The following ERICH6 variants were observed in gnomAD, a reference collection of about 807,000 sequenced individuals.
The protein encoded by ERICH6 is glutamate-rich protein 6.
In ERICH6, 71 loss-of-function variants were observed where a neutral mutation model predicts 71.0. The ratio of observed to expected loss-of-function variants is 1.00; its 90% confidence interval spans 0.83 to 1.22. The LOEUF (loss-of-function observed/expected upper bound fraction) is 1.22, where lower values mean the gene tolerates loss of function less well. ERICH6 is among the 50% of genes most tolerant of loss of function. The pLI is 0.00. For synonymous variants in ERICH6, 262 were observed against 278.4 expected, an observed-to-expected ratio of 0.94 and a Z score of 0.59; for missense variants, 808 against 797.2, an observed-to-expected ratio of 1.01 and a Z score of -0.16.
chr3:150,666,659 G>C, intron 13 of ERICH6, 128 bp downstream of exon 13: 1 of 818,516 alleles, frequency 1.2e-6, no homozygotes. Context: ...TTTTTCCATT[G>C]AATTCCAAAA....
At chr3:150,660,406 C>T (rs922631944) in intron 13 of ERICH6, among the ~76,000 whole-genome samples, 1 of 152,168 alleles carries the variant, frequency 6.6e-6, no homozygotes, top group African/African-American at 2.4e-5. Context: ...AGTAATTTAA[C>T]CAGCACCTAC....
chr3:150,661,618 T>C (rs1471076902), intron 13 of ERICH6, among the ~76,000 whole-genome samples: 1 of 152,206 alleles, frequency 6.6e-6, no homozygotes, highest in African/African-American at 2.4e-5. Flanking sequence ...GAGAGAATAT[T>C]GTTAAGGAAG....
At chr3:150,684,467 C>T (rs1017688114) in intron 6 of ERICH6, among the ~76,000 whole-genome samples, 1 of 152,142 alleles carries the variant, frequency 6.6e-6, no homozygotes, top group African/African-American at 2.4e-5. Flanking sequence ...TGACATGTTG[C>T]CTTGCATGAT....
rs755644907 is a variant in ERICH6 at position 150,682,241 on chromosome 3, C to A, written c.859G>T (p.Val287Phe). 1 of 1,613,888 alleles carries A rather than the reference C, an allele frequency of 6.2e-7. No individual in the cohort carries two copies. Among genetic ancestry groups the A allele is most frequent in the Non-Finnish European group, 8.5e-7 (1 of 1,179,972 alleles). The change falls in exon 7 of 14, where the codon GTT (valine) becomes TTT (phenylalanine). Residue 287 changes from valine (V) to phenylalanine (F), a missense_variant. Physicochemically the swap from Val to Phe is conservative, Grantham distance 50. Around this residue, in one of 3 missense-constraint regions of ERICH6, gnomAD observed 736 missense variants for 712.2 expected, o/e 1.03. Transcript: ENST00000295910. ...ACATGCCCTTTTGGTTCAGAGGAAA[C>A]ATCCACATTAGAAAAAAATGCTCTT... ...DLRAFFSNVD[V>F]SSEPKGHASC... is the part of the protein sequence containing the mutation.
chr3:150,686,226 C>T lies in ERICH6; in HGVS notation c.610+72G>A, dbSNP rs372105898. The stretch of plus-strand genomic sequence containing the variant: ...TTTTTCAAAGCAGATGGGCTCTGTG[C>T]GAGTTAAGGTGATTCCCTTCTGGTA... On this transcript the variant is annotated intron_variant, in intron 4 of 13. Transcript: ENST00000295910. The T allele has an allele frequency of 1.2e-4, 186 of 1,527,674 alleles. No homozygotes were observed. In the African/African-American group the frequency reaches 1.5e-3, roughly 13 times the overall value. The allele number at this position is 1,527,674 out of a possible 1,614,324, so 94.6% of individuals were successfully genotyped here. A position where few individuals can be genotyped will look rare whatever the true frequency, so the allele number is the denominator to read the frequency against.
intron 10 of ERICH6, among the ~76,000 whole-genome samples, chr3:150,674,700 C>T (rs1188583032): frequency 1.3e-5 from 2 of 152,112 alleles, no homozygotes; most frequent in Non-Finnish European, 2.9e-5. Context: ...AAAGAATGAT[C>T]AAAGAGTGTC....
chr3:150,683,616 C>T (rs983490200), intron 6 of ERICH6, among the ~76,000 whole-genome samples: 3 of 151,972 alleles, frequency 2.0e-5, no homozygotes, highest in South Asian at 2.1e-4. Flanking sequence ...TAGCCAGGCA[C>T]GGTGGTGTGT....
intron 3 of ERICH6, among the ~76,000 whole-genome samples, chr3:150,697,281 A>T (rs531190101): frequency 3.9e-5 from 6 of 152,328 alleles, no homozygotes; most frequent in African/African-American, 1.4e-4. Context: ...GACATCTGAA[A>T]TTGAGGGTAA....
intron 3 of ERICH6, among the ~76,000 whole-genome samples, chr3:150,694,570 C>T (rs1712581572): frequency 6.6e-6 from 1 of 152,200 alleles, no homozygotes; most frequent in South Asian, 2.1e-4. Context: ...TCCTGCAACA[C>T]GTGGATTACC....
intron 3 of ERICH6, among the ~76,000 whole-genome samples, chr3:150,698,508 A>G (rs1049867598): frequency 2.6e-5 from 4 of 152,262 alleles, no homozygotes; most frequent in South Asian, 4.1e-4. Context: ...TCAAAAATAT[A>G]ATGGCAGATT....
At chr3:150,678,386 T>C in intron 10 of ERICH6, 23 bp downstream of exon 10, 1 of 1,529,802 alleles carries the variant, frequency 6.5e-7, no homozygotes. Context: ...AAATAGCAAG[T>C]AAAAAAATTA....
At chr3:150,670,428 G>T (rs1711498424) in intron 11 of ERICH6, among the ~76,000 whole-genome samples, 1 of 144,076 alleles carries the variant, frequency 6.9e-6, no homozygotes, top group South Asian at 2.1e-4. Context: ...GTTGCAGTGA[G>T]CCAAGATCGT....
chr3:150,676,090 T>A (rs1711642567), intron 10 of ERICH6, among the ~76,000 whole-genome samples: 1 of 152,048 alleles, frequency 6.6e-6, no homozygotes, highest in African/African-American at 2.4e-5. Flanking sequence ...ACCTTTCTTT[T>A]TATTTTTGTT....
intron 9 of ERICH6, among the ~76,000 whole-genome samples, chr3:150,678,776 C>G (rs541269804): frequency 1.3e-5 from 2 of 152,194 alleles, no homozygotes; most frequent in Admixed American, 6.5e-5. Flanking sequence ...CACAGTGGCT[C>G]ACACCTGTAA....
intron 12 of ERICH6, among the ~76,000 whole-genome samples, chr3:150,668,778 A>T (rs575170361): frequency 6.6e-5 from 10 of 152,340 alleles, no homozygotes; most frequent in African/African-American, 2.4e-4. Context: ...TATACATAGT[A>T]GGTTAAATTG....
chr3:150,674,105 C>A, intron 10 of ERICH6, 64 bp from the exon 11 acceptor site: 1 of 1,306,496 alleles, frequency 7.7e-7, no homozygotes, highest in Non-Finnish European at 1.1e-6. Flanking sequence ...AGTACGACAA[C>A]AATGGACATC....
At position 150,702,994 on chromosome 3, in the gene ERICH6, C is replaced by CAGAGAG. The variant is rs71676608; in HGVS notation, c.403+496_403+501dup. Among the ~76,000 whole-genome samples, 352 of 124,240 alleles carry CAGAGAG rather than the reference C, an allele frequency of 2.8e-3. 1 individual carries two copies. The highest frequency in any genetic ancestry group is 4.4e-3 in the Non-Finnish European group (273 of 62,270). The allele number at this position is 124,240 out of a possible 152,430, so 81.5% of individuals were successfully genotyped here. ...GGAGGAAGAGGGAGGGGAGGGGGAA[C>CAGAGAG]AGAGAGAGAGAGAGAGAGAGATGTC... On this transcript the variant is annotated intron_variant, in intron 1 of 13. Transcript: ENST00000295910.
Position 150,666,972 on chromosome 3 carries a change from C to G in ERICH6, c.1543G>C (p.Gly515Arg), listed in dbSNP as rs1268848623. The G allele has an allele frequency of 6.2e-6, 10 of 1,614,070 alleles. No homozygotes were observed. Among genetic ancestry groups the G allele is most frequent in the Non-Finnish European group, 8.5e-6 (10 of 1,180,006 alleles). ...CAATTCCAAGCCCTTATTCTGTTGCCGGCTTGATCTGAATATTGACCTCCC... is the reference window on the plus strand; with the variant it reads ...CAATTCCAAGCCCTTATTCTGTTGCGGGCTTGATCTGAATATTGACCTCCC... The part of the protein sequence containing the change: ...ILGGQYSDQA[G>R]NRIRAWNWSN... The change falls in exon 13 of 14, where the codon GGC (glycine) becomes CGC (arginine). Residue 515 changes from glycine to arginine, a missense_variant. By Grantham distance (125) the Gly-to-Arg change is moderately radical (BLOSUM62 -2). This residue lies in a region of ERICH6 where 736 missense variants were observed against 712.2 expected (regional missense o/e 1.03). Coordinates refer to ENST00000295910, the MANE Select transcript of ERICH6 (RefSeq NM_152394.5).
chr3:150,681,690 A>G (rs372180010), intron 7 of ERICH6, among the ~76,000 whole-genome samples: 2 of 151,946 alleles, frequency 1.3e-5, no homozygotes, highest in African/African-American at 4.8e-5. Flanking sequence ...TAATTTCTCT[A>G]CATCTTTATC....
Sources: gnomAD v4.1 joint callset for allele counts (sites outside exome capture counted in the v4.1 genomes callset) on GRCh38, gnomAD v4.1.1 for gene constraint, gnomAD v4.1.1 regional missense constraint, MANE v1.5 for transcripts, NCBI Gene and HGNC (gene_info 2026-07-23, HGNC 2026-07-21) for gene names.